Variants in AGPAT4 observed in about 807,000 individuals in gnomAD.
The protein encoded by AGPAT4 is 1-acylglycerol-3-phosphate O-acyltransferase 4.
Under a neutral mutation model 48.0 loss-of-function variants are expected in AGPAT4, and 15 were observed. The ratio of observed to expected loss-of-function variants is 0.31; its 90% CI spans 0.21 to 0.48. The LOEUF (loss-of-function observed/expected upper bound fraction) is 0.48, where lower values mean the gene tolerates loss of function less well. AGPAT4 is among the 20% of genes least tolerant of loss of function. The pLI, the probability that AGPAT4 is intolerant of heterozygous loss-of-function variation, is 0.99. For synonymous variants in AGPAT4, 178 were observed against 198.7 expected (o/e 0.90, Z 0.88); for missense variants, 314 against 482.5 (o/e 0.65, Z 3.27).
intron 2 of AGPAT4, among the ~76,000 whole-genome samples, chr6:161,188,900 A>G (rs971087676): frequency 6.6e-6 from 1 of 152,172 alleles, no homozygotes; most frequent in Non-Finnish European, 1.5e-5. Context: ...CAAATGGAAG[A>G]GAGATGGCTT....
At chr6:161,209,082 T>C (rs1253413288) in intron 2 of AGPAT4, among the ~76,000 whole-genome samples, 1 of 152,186 alleles carries the variant, frequency 6.6e-6, no homozygotes, top group Non-Finnish European at 1.5e-5. Flanking sequence ...ATAAATCAGC[T>C]TGAAACCTGG....
Position 161,180,066 on chromosome 6 carries a change from G to T in AGPAT4, c.179-13649C>A, listed in dbSNP as rs1780540566. On this transcript the variant is annotated intron_variant, in intron 2 of 8. Coordinates refer to ENST00000320285, the MANE Select transcript of AGPAT4 (RefSeq NM_020133.3). This position sits in a 1 kb window ranked among gnomAD's most constrained non-coding sequence, Gnocchi z 6.4. ...ATCCCCAAAGACCTCCTTATTCTCAGCTCCTACTCCTCTCTAAGTAGTCAG... is the reference window on the plus strand; with the variant it reads ...ATCCCCAAAGACCTCCTTATTCTCATCTCCTACTCCTCTCTAAGTAGTCAG... 6.6e-6 allele frequency among the ~76,000 whole-genome samples: 1 copy of T among 152,170 alleles called. No individual in the cohort carries two copies. Among genetic ancestry groups the T allele is most frequent in the Admixed American group, 6.5e-5 (1 of 15,268 alleles).
At chr6:161,160,859 G>A (rs1304204777) in intron 3 of AGPAT4, 13 of 388,374 alleles carry the variant, frequency 3.3e-5, no homozygotes, top group East Asian at 1.4e-4. Flanking sequence ...GAGCAGAGGC[G>A]TTACAGGGGT....
At position 161,231,441 on chromosome 6, in the gene AGPAT4, T is replaced by C. The variant is rs2115035831; in HGVS notation, c.178+595A>G. The stretch of plus-strand genomic sequence containing the variant: ...AGTAGGGTTGTGGATTGTATCAATG[T>C]CAATTTTCTCATTGGAATATGCTAT... On this transcript the variant is annotated intron_variant, in intron 2 of 8. Transcript: ENST00000320285. The surrounding 1 kb of genome is among the most constrained non-coding windows in gnomAD (Gnocchi z 5.3). 6.6e-6 allele frequency among the ~76,000 whole-genome samples: 1 copy of C among 151,042 alleles called. No individual in the cohort carries two copies. Among genetic ancestry groups the C allele is most frequent in the Admixed American group, 6.6e-5 (1 of 15,256 alleles).
chr6:161,193,704 G>A lies in AGPAT4; in HGVS notation c.179-27287C>T, dbSNP rs141050930. Among the ~76,000 whole-genome samples the A allele has an allele frequency of 3.9e-3, 601 of 152,308 alleles. 8 individuals are homozygous for A. Among genetic ancestry groups the A allele is most frequent in the African/African-American group, 0.012 (486 of 41,566 alleles). The stretch of plus-strand genomic sequence containing the variant: ...AGGCAGACTCTGGGCTTTGACGTCT[G>A]TGTTGACACTACTGGAATGCTGACA... On this transcript the variant is annotated intron_variant, in intron 2 of 8. Transcript: ENST00000320285.
chr6:161,194,484 ATGTG>A (rs945854060), intron 2 of AGPAT4, among the ~76,000 whole-genome samples: 8 of 143,402 alleles, frequency 5.6e-5, no homozygotes, highest in African/African-American at 1.4e-4. Context: ...ATGCGCATGT[ATGTG>A]TGTATGTGTG....
In AGPAT4 at chr6:161,195,579, T is replaced by C. The variant is rs929634833; in HGVS notation, c.179-29162A>G. ...CTCAGCAAGCCCATGATGCCTGTAG[T>C]ATAAAAGCAAATGTTGCAGAACTTC... On this transcript the variant is annotated intron_variant, in intron 2 of 8. Transcript: ENST00000320285. The surrounding 1 kb of genome is among the most constrained non-coding windows in gnomAD (Gnocchi z 5.0). 6.6e-6 allele frequency among the ~76,000 whole-genome samples: 1 copy of C among 152,216 alleles called. No individual in the cohort carries two copies. Among genetic ancestry groups the C allele is most frequent in the Non-Finnish European group, 1.5e-5 (1 of 68,040 alleles).
At chr6:161,170,338 C>T (rs1033991861) in intron 2 of AGPAT4, among the ~76,000 whole-genome samples, 2 of 152,094 alleles carry the variant, frequency 1.3e-5, no homozygotes, top group African/African-American at 4.8e-5. Context: ...GAACCCTGAC[C>T]GAGAGACACT....
intron 2 of AGPAT4, among the ~76,000 whole-genome samples, chr6:161,194,821 C>T (rs1781029613): frequency 6.6e-6 from 1 of 152,146 alleles, no homozygotes; most frequent in Non-Finnish European, 1.5e-5. Flanking sequence ...AGTTATCAGA[C>T]TTGGTGCCTG....
intron 1 of AGPAT4, among the ~76,000 whole-genome samples, chr6:161,273,540 G>C (rs1783492232): frequency 6.6e-6 from 1 of 152,192 alleles, no homozygotes; most frequent in Non-Finnish European, 1.5e-5. Flanking sequence ...ACACAAAAGA[G>C]AGCAATATGT....
rs1779745818 is a variant in AGPAT4 at position 161,155,544 on chromosome 6, A to G, written c.349-1234T>C. ...GAACAGAAAAAGGTCTAAACAGCCA[A>G]TTGCTACCCTACTTTAAAAAAACAA... On this transcript the variant is annotated intron_variant, in intron 3 of 8. Coordinates refer to ENST00000320285, the MANE Select transcript of AGPAT4 (RefSeq NM_020133.3). The surrounding 1 kb of genome is among the most constrained non-coding windows in gnomAD (Gnocchi z 5.8). 6.6e-6 allele frequency among the ~76,000 whole-genome samples: 1 copy of G among 152,196 alleles called. No individual in the cohort carries two copies. The highest frequency in any genetic ancestry group is 2.4e-5 in the African/African-American group (1 of 41,456).
chr6:161,207,733 G>A (rs1781415209), intron 2 of AGPAT4, among the ~76,000 whole-genome samples: 1 of 152,196 alleles, frequency 6.6e-6, no homozygotes, highest in Non-Finnish European at 1.5e-5. Flanking sequence ...GAGGGGAAAT[G>A]GGGATGGAGT....
Position 161,144,183 on chromosome 6 carries a change from G to C in AGPAT4, c.843+2341C>G, listed in dbSNP as rs766136778. 1 of 533,124 alleles carries C rather than the reference G, an allele frequency of 1.9e-6. No homozygotes were observed. Among genetic ancestry groups the C allele is most frequent in the Non-Finnish European group, 3.8e-6 (1 of 259,922 alleles). The allele number at this position is 533,124 out of a possible 1,614,324, so 33.0% of individuals were successfully genotyped here. ...GCACCACTTCCACTTGCTGCTCAGC[G>C]ATCTTCTCGGAAGGGCAAAGGGCCA... On this transcript the variant is annotated intron_variant, in intron 7 of 8. Transcript: ENST00000320285. The surrounding 1 kb of genome is among the most constrained non-coding windows in gnomAD (Gnocchi z 6.6).
chr6:161,265,107 G>A (rs925040153), intron 1 of AGPAT4, among the ~76,000 whole-genome samples: 5 of 150,544 alleles, frequency 3.3e-5, no homozygotes, highest in African/African-American at 1.2e-4. Context: ...ACTGGGTGGT[G>A]GATTAGTACC....
Position 161,173,786 on chromosome 6 carries a change from A to G in AGPAT4, c.179-7369T>C, listed in dbSNP as rs373779385. Among the ~76,000 whole-genome samples the G allele has an allele frequency of 2.1e-4, 32 of 152,320 alleles. 1 individual carries two copies. In the East Asian group the frequency reaches 6.2e-3, roughly 29 times the overall value. ...GGGTTTTTATGGTTTTAGGTCTAAC[A>G]TTTAAGTCTTTAATCCACCTTGAAT... is the stretch of plus-strand genomic sequence containing the variant. On this transcript the variant is annotated intron_variant, in intron 2 of 8. Transcript: ENST00000320285.
intron 2 of AGPAT4, among the ~76,000 whole-genome samples, chr6:161,185,344 G>A (rs1721849480): frequency 7.1e-6 from 1 of 141,232 alleles, no homozygotes; most frequent in African/African-American, 2.7e-5. Flanking sequence ...AGGCTGGAGT[G>A]CAGTAGTGCA....
chr6:161,145,124 T>C (rs1257215839), intron 7 of AGPAT4, among the ~76,000 whole-genome samples: 1 of 151,760 alleles, frequency 6.6e-6, no homozygotes, highest in East Asian at 1.9e-4. Context: ...GGGGCACATA[T>C]GTGCATCGGT....
rs1327566010 is a variant in AGPAT4, at chr6:161,142,119, GTT to G, written c.844-2501_844-2500del. 6.6e-6 allele frequency among the ~76,000 whole-genome samples: 1 copy of G among 152,248 alleles called. No homozygotes were observed. Among genetic ancestry groups the G allele is most frequent in the Non-Finnish European group, 1.5e-5 (1 of 68,044 alleles). ...TCCTCCTGCCTCAGCCTCCCAAAGT[GTT>G]GGGATTACAGGCGTGAGCCATTGCG... On this transcript the variant is annotated intron_variant, in intron 7 of 8. Coordinates refer to ENST00000320285, the MANE Select transcript of AGPAT4 (RefSeq NM_020133.3). The surrounding 1 kb of genome is among the most constrained non-coding windows in gnomAD (Gnocchi z 6.4).
intron 1 of AGPAT4, among the ~76,000 whole-genome samples, chr6:161,258,627 T>C (rs1562360724): frequency 6.6e-6 from 1 of 152,044 alleles, no homozygotes; most frequent in Non-Finnish European, 1.5e-5. Context: ...CACCTATATA[T>C]GTTGGGAGAT....
Sources: gnomAD v4.1 joint callset for allele counts (sites outside exome capture counted in the v4.1 genomes callset) on GRCh38, gnomAD v4.1.1 for gene constraint, Gnocchi (gnomAD v3.1) non-coding constraint, MANE v1.5 for transcripts, NCBI Gene and HGNC (gene_info 2026-07-23, HGNC 2026-07-21) for gene names.